SNTG1: variants seen among roughly 807,000 people sequenced by gnomAD.
SNTG1 encodes the protein gamma-1-syntrophin.
In SNTG1, 39 loss-of-function variants were observed where a neutral mutation model predicts 74.7. The observed-to-expected ratio is 0.52, with a 90% CI of 0.40 to 0.68. The LOEUF is 0.68. Among genes scored for constraint, SNTG1 ranks in the 30% least tolerant of loss-of-function variants. The pLI, the probability that SNTG1 is intolerant of heterozygous loss-of-function variation, is 0.00. For missense variants in SNTG1, 685 were observed against 609.5 expected, an observed-to-expected ratio of 1.12 and a Z score of -1.30; for synonymous variants, 254 against 217.1, an observed-to-expected ratio of 1.17 and a Z score of -1.49.
At chr8:50,003,140 G>C (rs1325041524) in intron 1 of SNTG1, among the ~76,000 whole-genome samples, 1 of 152,046 alleles carries the variant, frequency 6.6e-6, no homozygotes, top group Non-Finnish European at 1.5e-5. Context: ...TTTCTTTTGG[G>C]GTGATAAAAA....
At chr8:50,688,099 G>A (rs1035494644) in intron 15 of SNTG1, among the ~76,000 whole-genome samples, 4 of 151,970 alleles carry the variant, frequency 2.6e-5, no homozygotes, top group African/African-American at 7.3e-5. Flanking sequence ...TTTTTGATGG[G>A]GTTGTTTGTT....
At chr8:50,524,984 T>C (rs1006121438) in intron 9 of SNTG1, among the ~76,000 whole-genome samples, 19 of 152,182 alleles carry the variant, frequency 1.2e-4, no homozygotes, top group African/African-American at 4.3e-4. Flanking sequence ...TTATTTTTTA[T>C]ATGCATTTCT....
chr8:49,949,041 C>A (rs563839272), intron 1 of SNTG1, among the ~76,000 whole-genome samples: 2 of 152,308 alleles, frequency 1.3e-5, no homozygotes, highest in South Asian at 4.1e-4. Flanking sequence ...ACCCAAAGCT[C>A]CCTCAGGTTA....
At chr8:50,357,358 G>T (rs1175526632) in intron 2 of SNTG1, among the ~76,000 whole-genome samples, 1 of 152,216 alleles carries the variant, frequency 6.6e-6, no homozygotes, top group Non-Finnish European at 1.5e-5. Context: ...GGAAACAAAA[G>T]AACAGGTTTA....
intron 4 of SNTG1, among the ~76,000 whole-genome samples, chr8:50,409,560 G>A (rs1446202616): frequency 6.6e-6 from 1 of 152,164 alleles, no homozygotes; most frequent in African/African-American, 2.4e-5. Flanking sequence ...TCAGATAGAT[G>A]TGTTAAAGCT....
intron 2 of SNTG1, among the ~76,000 whole-genome samples, chr8:50,324,954 TA>T (rs1182932103): frequency 6.1e-5 from 9 of 146,384 alleles, no homozygotes; most frequent in Middle Eastern, 3.6e-3. Flanking sequence ...TATATATATA[TA>T]TATATATATA....
At chr8:50,657,115 T>C (rs2095187368) in intron 14 of SNTG1, 90 bp downstream of exon 14, 1 of 598,586 alleles carries the variant, frequency 1.7e-6, no homozygotes, top group African/African-American at 1.9e-5. Flanking sequence ...ATACCATCAA[T>C]ATTTTTAAAA....
Position 50,394,326 on chromosome 8 carries a change from G to T in SNTG1, c.27+61G>T, listed in dbSNP as rs1323803426. 29 of 1,548,824 alleles carry T rather than the reference G, an allele frequency of 1.9e-5. No individual in the cohort carries two copies. The Admixed American group carries it at 5.2e-4, about 28-fold the overall frequency. The stretch of plus-strand genomic sequence containing the variant: ...AACAGAATATAAGCGGGAAACACTT[G>T]GCTCCAATTTATATAGGGAAATTCT... On this transcript the variant is annotated intron_variant, in intron 3 of 18. Coordinates refer to ENST00000642720, the MANE Select transcript of SNTG1 (RefSeq NM_018967.5).
intron 15 of SNTG1, among the ~76,000 whole-genome samples, chr8:50,703,779 C>G (rs190824033): frequency 6.6e-6 from 1 of 152,192 alleles, no homozygotes; most frequent in Non-Finnish European, 1.5e-5. Flanking sequence ...GACATTACAA[C>G]GGCTATGACA....
chr8:50,691,591 G>T (rs1459632386), intron 15 of SNTG1, among the ~76,000 whole-genome samples: 7 of 152,118 alleles, frequency 4.6e-5, no homozygotes, highest in African/African-American at 1.7e-4. Flanking sequence ...CTCTCTTCTG[G>T]CTTGTAGAGT....
At chr8:50,281,253 T>G (rs1329258474) in intron 2 of SNTG1, among the ~76,000 whole-genome samples, 1 of 152,092 alleles carries the variant, frequency 6.6e-6, no homozygotes, top group Admixed American at 6.6e-5. Context: ...TTAATGCTGG[T>G]CAGTTGTGCC....
intron 5 of SNTG1, among the ~76,000 whole-genome samples, chr8:50,443,098 G>A (rs571972070): frequency 3.4e-4 from 52 of 152,244 alleles, no homozygotes; most frequent in Non-Finnish European, 1.0e-4. Context: ...TTTCTGCATC[G>A]TAGGATCCAA....
At chr8:50,402,938 C>G (rs889936569) in intron 4 of SNTG1, among the ~76,000 whole-genome samples, 18 of 152,314 alleles carry the variant, frequency 1.2e-4, no homozygotes, top group African/African-American at 4.1e-4. Flanking sequence ...CCATAAATTA[C>G]AGTGCAAAAC....
chr8:50,681,612 T>A (rs1488952782), intron 15 of SNTG1, among the ~76,000 whole-genome samples: 1 of 152,178 alleles, frequency 6.6e-6, no homozygotes, highest in Non-Finnish European at 1.5e-5. Flanking sequence ...TTTTGAAGTA[T>A]TTTTTGAGTG....
At chr8:50,586,836 G>C (rs2130852269) in intron 12 of SNTG1, among the ~76,000 whole-genome samples, 1 of 151,770 alleles carries the variant, frequency 6.6e-6, no homozygotes, top group African/African-American at 2.4e-5. Context: ...TTAAACAATG[G>C]AGAGCTTCGT....
rs745388938 is a variant in SNTG1 at position 50,693,925 on chromosome 8, A to G, written c.1039-10675A>G. Among the ~76,000 whole-genome samples, 79 of 152,214 alleles carry G rather than the reference A, an allele frequency of 5.2e-4. 1 individual carries two copies. The highest frequency in any genetic ancestry group is 1.8e-4 in the Non-Finnish European group (12 of 68,024). ...TCTTAAGACAAATGAAAATGAAAAC[A>G]TAACATACCAAAACCTATGGGATAC... On this transcript the variant is annotated intron_variant, in intron 15 of 18. Coordinates refer to ENST00000642720, the MANE Select transcript of SNTG1 (RefSeq NM_018967.5).
intron 15 of SNTG1, among the ~76,000 whole-genome samples, chr8:50,682,884 T>C (rs536895310): frequency 1.3e-5 from 2 of 152,294 alleles, no homozygotes; most frequent in East Asian, 1.9e-4. Context: ...ATAGCTTAAA[T>C]AGTTTACTCT....
chr8:50,713,244 G>A (rs1388456895), intron 17 of SNTG1, among the ~76,000 whole-genome samples: 4 of 152,096 alleles, frequency 2.6e-5, no homozygotes, highest in African/African-American at 9.7e-5. Context: ...GTATTTCTCT[G>A]ATGACCAGTG....
chr8:50,305,916 A>T (rs1355643064), intron 2 of SNTG1, among the ~76,000 whole-genome samples: 1 of 150,270 alleles, frequency 6.7e-6, no homozygotes, highest in Non-Finnish European at 1.5e-5. Flanking sequence ...AAAAAAAAAA[A>T]CTGTTTCAAT....
Sources: gnomAD v4.1 joint callset for allele counts (sites outside exome capture counted in the v4.1 genomes callset) on GRCh38, gnomAD v4.1.1 for gene constraint, MANE v1.5 for transcripts, NCBI Gene and HGNC (gene_info 2026-07-23, HGNC 2026-07-21) for gene names.